The following RFX4 variants were observed in gnomAD, a reference collection of about 807,000 sequenced individuals.
The protein encoded by RFX4 is transcription factor RFX4.
RFX4 carries 10 observed loss-of-function variants against 95.0 expected under a neutral mutation model. The observed-to-expected ratio is 0.11, with a 90% CI of 0.06 to 0.18. The LOEUF (loss-of-function observed/expected upper bound fraction) is 0.18, where lower values mean the gene tolerates loss of function less well. RFX4 is among the 10% of genes least tolerant of loss of function. The pLI is 1.00. For synonymous variants in RFX4, 321 were observed against 340.7 expected, an observed-to-expected ratio of 0.94 and a Z score of 0.64; for missense variants, 640 against 922.0, an observed-to-expected ratio of 0.69 and a Z score of 3.96.
chr12:106,737,162 GTTTTTTTTTTTTTTTTTTTTTTTTT>G (rs556116618), intron 15 of RFX4, among the ~76,000 whole-genome samples: 69 of 54,926 alleles, frequency 1.3e-3, no homozygotes, highest in African/African-American at 3.1e-3. Flanking sequence ...CGGAACTAAA[GTTTTTTTTTTTTTTTTTTTTTTTTT>G]TTTTTTTTTT....
intron 4 of RFX4, among the ~76,000 whole-genome samples, chr12:106,669,300 G>A (rs880318): frequency 2.0e-5 from 3 of 152,314 alleles, no homozygotes; most frequent in South Asian, 4.2e-4. Flanking sequence ...AGAGAGACTG[G>A]AGAAAGGGAA....
chr12:106,639,047 A>G (rs1434128545), intron 2 of RFX4, among the ~76,000 whole-genome samples: 1 of 152,214 alleles, frequency 6.6e-6, no homozygotes, highest in East Asian at 1.9e-4. Flanking sequence ...TAAGTGGATG[A>G]GTGTGATCAC....
chr12:106,706,413 G>C (rs1189326859), intron 8 of RFX4, among the ~76,000 whole-genome samples: 1 of 152,224 alleles, frequency 6.6e-6, no homozygotes, highest in African/African-American at 2.4e-5. Context: ...GGAAGCTACT[G>C]TAAGTCCGGA....
chr12:106,756,900 T>C (rs1486316047), intron 17 of RFX4, among the ~76,000 whole-genome samples: 1 of 152,188 alleles, frequency 6.6e-6, no homozygotes, highest in Non-Finnish European at 1.5e-5. Flanking sequence ...GTCCTTTTTC[T>C]CTCCCCATTA....
At chr12:106,648,561 T>C (rs1256799419) in intron 3 of RFX4, among the ~76,000 whole-genome samples, 1 of 149,240 alleles carries the variant, frequency 6.7e-6, no homozygotes, top group Non-Finnish European at 1.5e-5. Context: ...AAATAGTTAA[T>C]ATTTTTAAAA....
intron 2 of RFX4, among the ~76,000 whole-genome samples, chr12:106,613,825 A>T (rs2040013508): frequency 6.6e-6 from 1 of 152,216 alleles, no homozygotes; most frequent in African/African-American, 2.4e-5. Flanking sequence ...AGTTCTGAAC[A>T]TTCTTGTATA....
At chr12:106,717,286 A>C (rs1222898305) in intron 11 of RFX4, among the ~76,000 whole-genome samples, 2 of 152,150 alleles carry the variant, frequency 1.3e-5, no homozygotes, top group African/African-American at 4.8e-5. Context: ...AGCTCTGCAA[A>C]TCTTCCTAGC....
At chr12:106,750,876 G>C in intron 17 of RFX4, 83 bp downstream of exon 17, 2 of 1,267,874 alleles carry the variant, frequency 1.6e-6, no homozygotes, top group South Asian at 2.6e-5. Flanking sequence ...AAACTGTTAT[G>C]CATACTGTGT....
chr12:106,643,203 T>G (rs2040670140), intron 3 of RFX4, among the ~76,000 whole-genome samples: 1 of 152,120 alleles, frequency 6.6e-6, no homozygotes, highest in South Asian at 2.1e-4. Context: ...CTTGGAATGA[T>G]TCAGCCTCCC....
At chr12:106,707,903 C>T (rs890723876) in intron 8 of RFX4, among the ~76,000 whole-genome samples, 1 of 152,098 alleles carries the variant, frequency 6.6e-6, no homozygotes, top group African/African-American at 2.4e-5. Context: ...GAGGCCAAGG[C>T]GGGTGGATCA....
chr12:106,750,684 A>G lies in RFX4; in HGVS notation c.1826A>G (p.Tyr609Cys), dbSNP rs755632372. ...ACGGGAAGCTATAACTATGGGAGCT[A>G]TGGCAACCAGCATCCTCACCCCATG... ...GYTGSYNYGS[Y>C]GNQHPHPMQS... Residue 609 changes from tyrosine to cysteine, a missense_variant, in exon 17 of 18, where the codon TAT becomes TGT. Tyr to Cys is a radical substitution (Grantham distance 194, BLOSUM62 -2). Transcript: ENST00000392842. The G allele has an allele frequency of 2.3e-5, 37 of 1,609,024 alleles. No homozygotes were observed. Among genetic ancestry groups the G allele is most frequent in the Non-Finnish European group, 1.7e-6 (2 of 1,177,956 alleles).
intron 15 of RFX4, among the ~76,000 whole-genome samples, chr12:106,739,541 T>C (rs1005552606): frequency 2.0e-5 from 3 of 152,210 alleles, no homozygotes; most frequent in Non-Finnish European, 4.4e-5. Flanking sequence ...GTCACTCTGC[T>C]TATCTGTAGC....
chr12:106,686,141 G>A (rs2041639160), intron 5 of RFX4, among the ~76,000 whole-genome samples: 1 of 152,106 alleles, frequency 6.6e-6, no homozygotes, highest in Non-Finnish European at 1.5e-5. Flanking sequence ...GGCCAGGCGC[G>A]GTGGCTCATG....
intron 2 of RFX4, among the ~76,000 whole-genome samples, chr12:106,637,315 A>T (rs2040533502): frequency 6.6e-6 from 1 of 152,212 alleles, no homozygotes; most frequent in Non-Finnish European, 1.5e-5. Flanking sequence ...TTAAATCAGA[A>T]TTACACCAAT....
At chr12:106,628,203 C>T (rs2040343738) in intron 2 of RFX4, among the ~76,000 whole-genome samples, 1 of 152,160 alleles carries the variant, frequency 6.6e-6, no homozygotes, top group Non-Finnish European at 1.5e-5. Flanking sequence ...GCTTACCTTC[C>T]CCACTCCTCT....
At chr12:106,655,017 A>AT (rs1269392962) in intron 4 of RFX4, among the ~76,000 whole-genome samples, 2 of 152,024 alleles carry the variant, frequency 1.3e-5, no homozygotes, top group Non-Finnish European at 2.9e-5. Context: ...TCTATGTGTA[A>AT]TTTTTTCTGC....
At position 106,656,430 on chromosome 12, in the gene RFX4, C is replaced by T. The variant is rs989515866; in HGVS notation, c.315+2079C>T. Among the ~76,000 whole-genome samples the T allele has an allele frequency of 4.6e-5, 7 of 152,120 alleles. No homozygotes were observed. The South Asian group carries it at 1.5e-3, about 32-fold the overall frequency. On this transcript the variant is annotated intron_variant, in intron 4 of 17. Transcript: ENST00000392842. ...GTGAGCCAAGGAGGAAACTCAGTAC[C>T]CACTTTGCTTTTCACAAGACAGCCC...
intron 5 of RFX4, chr12:106,684,841 G>GAA: frequency 1.3e-6 from 2 of 1,579,486 alleles, no homozygotes; most frequent in Non-Finnish European, 8.6e-7. Flanking sequence ...CGGAGGGTCT[G>GAA]AATTCTTCAT....
chr12:106,602,180 T>A (rs1565945940), intron 1 of RFX4, among the ~76,000 whole-genome samples: 1 of 152,126 alleles, frequency 6.6e-6, no homozygotes, highest in Non-Finnish European at 1.5e-5. Flanking sequence ...TCAAAGTTAG[T>A]CAAGTCTCTG....
Sources: allele counts gnomAD v4.1 joint callset (sites outside exome capture counted in the v4.1 genomes callset), GRCh38; gene constraint gnomAD v4.1.1; transcripts MANE v1.5; gene names NCBI Gene and HGNC (gene_info 2026-07-23, HGNC 2026-07-21).